The following RASAL2 variants were observed in gnomAD, a reference collection of about 807,000 sequenced individuals.
RASAL2 encodes RAS protein activator like 2.
Under a neutral mutation model 128.9 loss-of-function variants are expected in RASAL2, and 58 were observed. The observed-to-expected ratio is 0.45, with a 90% CI of 0.36 to 0.56. The LOEUF (loss-of-function observed/expected upper bound fraction) is 0.56, where lower values mean the gene tolerates loss of function less well. Ranked by LOEUF, RASAL2 falls within the 20% of genes least tolerant of loss-of-function variation. RASAL2 has a pLI of 0.00. For synonymous variants in RASAL2, 561 were observed against 580.8 expected (o/e 0.97, Z 0.49); for missense variants, 1,360 against 1,601.6 (o/e 0.85, Z 2.57).
At chr1:178,299,245 A>G (rs1428437241) in intron 2 of RASAL2, among the ~76,000 whole-genome samples, 1 of 152,196 alleles carries the variant, frequency 6.6e-6, no homozygotes, top group East Asian at 1.9e-4. Flanking sequence ...CATTTGGGTG[A>G]TCTTACTACC....
At chr1:178,227,903 T>C (rs1663853634) in intron 1 of RASAL2, among the ~76,000 whole-genome samples, 1 of 152,214 alleles carries the variant, frequency 6.6e-6, no homozygotes, top group African/African-American at 2.4e-5. Flanking sequence ...GGTTCTAGTA[T>C]CATTGTTTCT....
At chr1:178,104,780 G>A (rs1237588416) in intron 1 of RASAL2, among the ~76,000 whole-genome samples, 1 of 152,084 alleles carries the variant, frequency 6.6e-6, no homozygotes. Flanking sequence ...CAAAAACTTA[G>A]TTGTTGTTTA....
At chr1:178,296,174 T>TGC (rs1333245517) in intron 2 of RASAL2, among the ~76,000 whole-genome samples, 24 of 151,912 alleles carry the variant, frequency 1.6e-4, no homozygotes, top group African/African-American at 4.8e-4. Context: ...TGTGTGTGTG[T>TGC]GCATATATAT....
At chr1:178,249,174 C>G (rs1158267130) in intron 1 of RASAL2, among the ~76,000 whole-genome samples, 1 of 151,986 alleles carries the variant, frequency 6.6e-6, no homozygotes. Context: ...TTTCAGGGAC[C>G]CCAATCAAGC....
chr1:178,172,383 T>C (rs1383607626), intron 1 of RASAL2, among the ~76,000 whole-genome samples: 1 of 151,984 alleles, frequency 6.6e-6, no homozygotes, highest in Admixed American at 6.6e-5. Context: ...GATAAAAATA[T>C]TCTACAAATT....
rs776754296 is a variant in RASAL2, at chr1:178,465,989, C to T, written c.3457C>T (p.Arg1153Cys). The change falls in exon 16 of 18, where the codon CGC (arginine) becomes TGC (cysteine). Residue 1153 changes from arginine (R) to cysteine (C), a missense_variant. By Grantham distance (180) the Arg-to-Cys change is radical (BLOSUM62 -3). Coordinates refer to ENST00000367649, the MANE Select transcript of RASAL2 (RefSeq NM_170692.4). ...VSSRRLEEYE[R>C]RLLVQEQQMQ... Reference sequence around the variant, plus strand: ...CAGCCGGCGACTGGAGGAATATGAACGCCGCTTGCTGGTGCAGGAGCAGCA... The same window carrying T: ...CAGCCGGCGACTGGAGGAATATGAATGCCGCTTGCTGGTGCAGGAGCAGCA... 21 of 1,558,882 alleles carry T rather than the reference C, an allele frequency of 1.3e-5. No homozygotes were observed. Among genetic ancestry groups the T allele is most frequent in the South Asian group, 3.5e-5 (3 of 84,524 alleles).
In RASAL2 at chr1:178,439,354, A is replaced by G. The variant is rs1676469170; in HGVS notation, c.675-68A>G. ...ATTTGTACATTTATTGTTATCCTCC[A>G]TTGCATTAGACCTTCATTTCCTTGC... On this transcript the variant is annotated intron_variant, in intron 5 of 17. Transcript: ENST00000367649. 8.7e-6 allele frequency: 12 copies of G among 1,380,254 alleles called. No homozygotes were observed. In the South Asian group the frequency reaches 1.5e-4, roughly 18 times the overall value. The allele number at this position is 1,380,254 out of a possible 1,614,324, so 85.5% of individuals were successfully genotyped here.
chr1:178,399,183 C>G (rs554459772), intron 4 of RASAL2, among the ~76,000 whole-genome samples: 2 of 152,320 alleles, frequency 1.3e-5, no homozygotes, highest in South Asian at 4.1e-4. Flanking sequence ...CTCCCTCTCT[C>G]TTCACCCAGC....
chr1:178,417,452 A>G (rs1674833736), intron 4 of RASAL2, among the ~76,000 whole-genome samples: 1 of 152,126 alleles, frequency 6.6e-6, no homozygotes, highest in Non-Finnish European at 1.5e-5. Flanking sequence ...ATTATGTCAT[A>G]TGAGGTATGA....
At chr1:178,246,734 A>G (rs551842391) in intron 1 of RASAL2, among the ~76,000 whole-genome samples, 1 of 152,116 alleles carries the variant, frequency 6.6e-6, no homozygotes, top group Non-Finnish European at 1.5e-5. Flanking sequence ...ATTTTGAGAT[A>G]TGTTCCATCA....
At chr1:178,360,328 A>G (rs1195033557) in intron 3 of RASAL2, among the ~76,000 whole-genome samples, 1 of 152,148 alleles carries the variant, frequency 6.6e-6, no homozygotes, top group Non-Finnish European at 1.5e-5. Flanking sequence ...GCCAGACATG[A>G]AATTACAAGC....
chr1:178,380,367 C>T (rs571604176), intron 3 of RASAL2, among the ~76,000 whole-genome samples: 7 of 152,066 alleles, frequency 4.6e-5, no homozygotes, highest in African/African-American at 1.7e-4. Context: ...ATTTAATATA[C>T]ATAAAGGAGA....
At chr1:178,391,495 T>G (rs1672903467) in intron 4 of RASAL2, among the ~76,000 whole-genome samples, 1 of 152,216 alleles carries the variant, frequency 6.6e-6, no homozygotes, top group Admixed American at 6.5e-5. Flanking sequence ...AATGAGTACT[T>G]GGATATCTGT....
At chr1:178,229,987 T>G (rs1434562728) in intron 1 of RASAL2, among the ~76,000 whole-genome samples, 2 of 152,178 alleles carry the variant, frequency 1.3e-5, no homozygotes, top group Non-Finnish European at 2.9e-5. Context: ...GAGAACTGCT[T>G]TTCTGATATT....
chr1:178,272,106 A>G (rs112298381), intron 1 of RASAL2, among the ~76,000 whole-genome samples: 17 of 152,282 alleles, frequency 1.1e-4, no homozygotes, highest in Admixed American at 3.3e-4. Context: ...TAAATTAGTT[A>G]TATACTGATT....
At chr1:178,273,574 C>T (rs757182909) in intron 1 of RASAL2, among the ~76,000 whole-genome samples, 2 of 151,988 alleles carry the variant, frequency 1.3e-5, no homozygotes, top group Non-Finnish European at 2.9e-5. Context: ...TGATGGATTA[C>T]GTATAGGGGT....
chr1:178,196,242 C>T lies in RASAL2; in HGVS notation c.203-87322C>T, dbSNP rs1409181556. Reference sequence around the variant, plus strand: ...ATATACCTAAAAATATATTGCCTTACGAATTTGGGGGCCATTCATATTCAT... The same window carrying T: ...ATATACCTAAAAATATATTGCCTTATGAATTTGGGGGCCATTCATATTCAT... On this transcript the variant is annotated intron_variant, in intron 1 of 17. Transcript: ENST00000367649. Among the ~76,000 whole-genome samples, 7 of 151,874 alleles carry T rather than the reference C, an allele frequency of 4.6e-5. 1 individual carries two copies. In the East Asian group the frequency reaches 7.7e-4, roughly 17 times the overall value.
intron 1 of RASAL2, among the ~76,000 whole-genome samples, chr1:178,159,912 C>T (rs997197426): frequency 6.6e-6 from 1 of 150,528 alleles, no homozygotes; most frequent in Non-Finnish European, 1.5e-5. Context: ...CTAAAACAAA[C>T]AAACAAACAA....
chr1:178,325,089 T>G (rs1321942773), intron 3 of RASAL2, among the ~76,000 whole-genome samples: 1 of 152,212 alleles, frequency 6.6e-6, no homozygotes, highest in Non-Finnish European at 1.5e-5. Flanking sequence ...GTTTCCTCAT[T>G]TTGATTGATA....
Sources: allele counts gnomAD v4.1 joint callset (sites outside exome capture counted in the v4.1 genomes callset), GRCh38; gene constraint gnomAD v4.1.1; transcripts MANE v1.5; gene names NCBI Gene and HGNC (gene_info 2026-07-23, HGNC 2026-07-21).